The following CNTNAP2 variants were observed in gnomAD, a reference collection of about 807,000 sequenced individuals.
The protein encoded by CNTNAP2 is contactin-associated protein-like 2.
CNTNAP2 carries 98 observed loss-of-function variants against 155.2 expected under a neutral mutation model. That is an observed-to-expected ratio of 0.63 (90% confidence interval 0.54 to 0.75). CNTNAP2 has a LOEUF of 0.75. Among genes scored for constraint, CNTNAP2 ranks in the 30% least tolerant of loss-of-function variants. The pLI, the probability that CNTNAP2 is intolerant of heterozygous loss-of-function variation, is 0.00. For missense variants in CNTNAP2, 1,727 were observed against 1,688.1 expected (o/e 1.02, Z -0.40); for synonymous variants, 651 against 631.2 (o/e 1.03, Z -0.47).
intron 14 of CNTNAP2, among the ~76,000 whole-genome samples, chr7:147,925,304 A>AGTG (rs1800376655): frequency 1.4e-5 from 2 of 147,300 alleles, no homozygotes; most frequent in Non-Finnish European, 3.0e-5. Flanking sequence ...ACACACACAC[A>AGTG]CACACACACA....
At chr7:146,839,023 T>G (rs1031381355) in intron 2 of CNTNAP2, among the ~76,000 whole-genome samples, 1 of 152,168 alleles carries the variant, frequency 6.6e-6, no homozygotes, top group Non-Finnish European at 1.5e-5. Flanking sequence ...AACAAATGTT[T>G]TTACATTCTT....
intron 1 of CNTNAP2, among the ~76,000 whole-genome samples, chr7:146,272,708 ATG>A (rs1491361144): frequency 6.6e-6 from 1 of 151,862 alleles, no homozygotes; most frequent in Admixed American, 6.6e-5. Flanking sequence ...ATGTGCCCTC[ATG>A]TGTGTGTGTG....
At chr7:147,758,178 G>A (rs1797245243) in intron 13 of CNTNAP2, among the ~76,000 whole-genome samples, 1 of 152,138 alleles carries the variant, frequency 6.6e-6, no homozygotes, top group Non-Finnish European at 1.5e-5. Flanking sequence ...TTACAAAACT[G>A]GCACAAAGGC....
intron 13 of CNTNAP2, among the ~76,000 whole-genome samples, chr7:147,871,142 T>C (rs1047085947): frequency 6.6e-5 from 10 of 152,224 alleles, no homozygotes; most frequent in African/African-American, 2.4e-4. Context: ...AAAGTACATT[T>C]CACTCATTTA....
At chr7:147,175,112 A>G (rs1802311717) in intron 8 of CNTNAP2, among the ~76,000 whole-genome samples, 1 of 152,032 alleles carries the variant, frequency 6.6e-6, no homozygotes, top group South Asian at 2.1e-4. Flanking sequence ...GGAAAGGTAG[A>G]TTAACAGCTG....
chr7:146,295,479 G>T (rs79849600), intron 1 of CNTNAP2, among the ~76,000 whole-genome samples: 13,625 of 151,962 alleles, frequency 0.09, 1,718 homozygotes, highest in African/African-American at 0.29. Flanking sequence ...AATTTAGATT[G>T]AGAATTGTTC....
chr7:148,136,029 G>GGAAGGAAGGAAGGAAAGA (rs1804939420), intron 16 of CNTNAP2, among the ~76,000 whole-genome samples: 1 of 51,436 alleles, frequency 1.9e-5, no homozygotes, highest in African/African-American at 9.5e-5. Context: ...GGGAGGGAGG[G>GGAAGGAAGGAAGGAAAGA]AGGGAGGGAG....
intron 3 of CNTNAP2, among the ~76,000 whole-genome samples, chr7:147,020,162 A>T (rs1798794980): frequency 6.6e-6 from 1 of 152,138 alleles, no homozygotes; most frequent in Admixed American, 6.5e-5. Context: ...ATCATAGATG[A>T]TCCCAAATCC....
At chr7:147,709,985 A>T (rs1212710359) in intron 13 of CNTNAP2, among the ~76,000 whole-genome samples, 2 of 152,182 alleles carry the variant, frequency 1.3e-5, no homozygotes, top group East Asian at 1.9e-4. Flanking sequence ...TGCCCAAAAG[A>T]TCTGTCTTTT....
At chr7:148,319,875 G>T (rs1443504455) in intron 21 of CNTNAP2, among the ~76,000 whole-genome samples, 2 of 151,808 alleles carry the variant, frequency 1.3e-5, no homozygotes, top group Non-Finnish European at 2.9e-5. Flanking sequence ...AATAATAATA[G>T]AAATAAAGTG....
chr7:147,759,022 C>T (rs573280308), intron 13 of CNTNAP2, among the ~76,000 whole-genome samples: 4 of 151,762 alleles, frequency 2.6e-5, no homozygotes, highest in Non-Finnish European at 5.9e-5. Context: ...ATTTTATTAC[C>T]TTATTTATTG....
At chr7:147,555,037 A>G (rs1799926028) in intron 11 of CNTNAP2, among the ~76,000 whole-genome samples, 1 of 152,234 alleles carries the variant, frequency 6.6e-6, no homozygotes, top group Admixed American at 6.5e-5. Context: ...GGCTGTGCAC[A>G]AACCTCAGTG....
intron 10 of CNTNAP2, among the ~76,000 whole-genome samples, chr7:147,463,865 A>G (rs1798066439): frequency 6.6e-6 from 1 of 152,034 alleles, no homozygotes; most frequent in African/African-American, 2.4e-5. Flanking sequence ...TGGATCAGCT[A>G]CAAAAGTAAT....
intron 13 of CNTNAP2, among the ~76,000 whole-genome samples, chr7:147,745,867 C>T (rs1205322193): frequency 6.6e-6 from 1 of 152,190 alleles, no homozygotes; most frequent in Non-Finnish European, 1.5e-5. Context: ...TCATTTTGAA[C>T]ATAATCACTT....
intron 11 of CNTNAP2, among the ~76,000 whole-genome samples, chr7:147,543,093 C>G (rs1036294035): frequency 5.9e-5 from 9 of 152,088 alleles, no homozygotes; most frequent in Non-Finnish European, 1.3e-4. Flanking sequence ...CTGAGAGCCC[C>G]GAACAGGGAT....
At chr7:147,436,076 G>A (rs111707854) in intron 10 of CNTNAP2, among the ~76,000 whole-genome samples, 4 of 152,076 alleles carry the variant, frequency 2.6e-5, no homozygotes, top group Non-Finnish European at 5.9e-5. Flanking sequence ...TAGTCATGGG[G>A]CCCTCTCCAG....
intron 3 of CNTNAP2, among the ~76,000 whole-genome samples, chr7:147,040,464 T>C (rs1332204035): frequency 1.4e-5 from 2 of 140,288 alleles, no homozygotes; most frequent in East Asian, 4.2e-4. Context: ...TTTTTTTTTT[T>C]TTTTTTTTTT....
At chr7:148,160,836 T>C (rs1190098681) in intron 17 of CNTNAP2, among the ~76,000 whole-genome samples, 1 of 152,232 alleles carries the variant, frequency 6.6e-6, no homozygotes, top group Non-Finnish European at 1.5e-5. Flanking sequence ...TATTGTTTGT[T>C]CTGGAAATAC....
intron 10 of CNTNAP2, among the ~76,000 whole-genome samples, chr7:147,464,960 T>C (rs2373134): frequency 0.78 from 118,889 of 152,136 alleles, 46,829 homozygotes; most frequent in African/African-American, 0.88. Context: ...ATATACACCA[T>C]GAAAAACTAT....
Sources: allele counts gnomAD v4.1 joint callset (sites outside exome capture counted in the v4.1 genomes callset), GRCh38; gene constraint gnomAD v4.1.1; transcripts MANE v1.5; gene names NCBI Gene and HGNC (gene_info 2026-07-23, HGNC 2026-07-21).